The following GLCE variants were observed in gnomAD, a reference collection of about 807,000 sequenced individuals.
The protein encoded by GLCE is glucuronic acid epimerase.
A neutral mutation model predicts 47.9 loss-of-function variants in GLCE; 19 were observed. The ratio of observed to expected loss-of-function variants is 0.40; its 90% CI spans 0.28 to 0.58. The LOEUF (loss-of-function observed/expected upper bound fraction) is 0.58. Among genes scored for constraint, GLCE ranks in the 20% least tolerant of loss-of-function variants. The pLI is 0.48. For missense variants in GLCE, 556 were observed against 743.3 expected (o/e 0.75, Z 2.93); for synonymous variants, 245 against 263.4 (o/e 0.93, Z 0.68).
At chr15:69,182,219 G>T (rs1368437703) in intron 1 of GLCE, among the ~76,000 whole-genome samples, 1 of 151,618 alleles carries the variant, frequency 6.6e-6, no homozygotes. Context: ...CTCATTTGAG[G>T]CTCCTGGCCA....
chr15:69,255,014 G>A (rs1231613700), intron 2 of GLCE, among the ~76,000 whole-genome samples: 1 of 152,154 alleles, frequency 6.6e-6, no homozygotes, highest in Non-Finnish European at 1.5e-5. Flanking sequence ...AACCAAAAGA[G>A]AATGGTGCCC....
chr15:69,173,699 A>G (rs931346867), intron 1 of GLCE, among the ~76,000 whole-genome samples: 2 of 152,076 alleles, frequency 1.3e-5, no homozygotes, highest in African/African-American at 4.8e-5. Context: ...ATTTTTAAAA[A>G]TTTTCTTCAT....
rs2140407902 is a variant in GLCE, at chr15:69,233,601, T to C, written c.-13-22193T>C. On this transcript the variant is annotated intron_variant, in intron 2 of 4. Transcript: ENST00000261858. ...GTCACTTTGCTTCCTAGAGGTGGAG[T>C]TTCAGCACTAAGGAAAAAGAACAGT... 2.0e-5 allele frequency among the ~76,000 whole-genome samples: 3 copies of C among 152,186 alleles called. No individual in the cohort carries two copies. The South Asian group carries it at 6.2e-4, about 32-fold the overall frequency.
chr15:69,257,745 C>G lies in GLCE; in HGVS notation c.586+1353C>G, dbSNP rs78349196. Among the ~76,000 whole-genome samples the G allele has an allele frequency of 6.3e-3, 959 of 151,964 alleles. 10 individuals are homozygous for G. The highest frequency in any genetic ancestry group is 0.022 in the African/African-American group (918 of 41,498). On this transcript the variant is annotated intron_variant, in intron 3 of 4. Transcript: ENST00000261858. ...ATTATTTTTATATATTCTCTGGAGG[C>G]CTTTGTACTTAGACATATGTTTTAG...
chr15:69,238,457 C>T (rs373733315), intron 2 of GLCE, among the ~76,000 whole-genome samples: 8 of 152,088 alleles, frequency 5.3e-5, no homozygotes, highest in African/African-American at 1.7e-4. Flanking sequence ...GGTTTGATTT[C>T]AATAACCGAA....
At chr15:69,257,287 A>C (rs1566971242) in intron 3 of GLCE, among the ~76,000 whole-genome samples, 1 of 152,120 alleles carries the variant, frequency 6.6e-6, no homozygotes, top group African/African-American at 2.4e-5. Flanking sequence ...TACATATCTG[A>C]TGCAGGAGTT....
In GLCE at chr15:69,252,259, T is replaced by TA. The variant is rs200845231; in HGVS notation, c.-13-3526dup. ...TACCTGAGACTGGGTAATTTATTTT[T>TA]AAAAAAAAAGAGGCTTAAAATTGGC... On this transcript the variant is annotated intron_variant, in intron 2 of 4. Coordinates refer to ENST00000261858, the MANE Select transcript of GLCE (RefSeq NM_015554.3). Among the ~76,000 whole-genome samples the TA allele has an allele frequency of 6.1e-3, 924 of 151,696 alleles. 2 individuals are homozygous for TA. The highest frequency in any genetic ancestry group is 9.3e-3 in the Non-Finnish European group (628 of 67,842).
intron 1 of GLCE, among the ~76,000 whole-genome samples, chr15:69,176,508 G>A (rs1250640794): frequency 2.0e-5 from 3 of 151,956 alleles, no homozygotes; most frequent in South Asian, 4.2e-4. Flanking sequence ...ACAGGCATGC[G>A]TCAGCCACCA....
intron 1 of GLCE, among the ~76,000 whole-genome samples, chr15:69,186,061 G>T (rs1409784938): frequency 1.3e-5 from 2 of 152,120 alleles, no homozygotes; most frequent in Non-Finnish European, 2.9e-5. Context: ...GGTGAAGTAT[G>T]GGGGAAGGGG....
At chr15:69,252,737 T>G (rs1361890511) in intron 2 of GLCE, among the ~76,000 whole-genome samples, 4 of 152,120 alleles carry the variant, frequency 2.6e-5, no homozygotes, top group African/African-American at 7.2e-5. Context: ...GACAGATTAC[T>G]CAGCTGTTGA....
chr15:69,162,536 C>T (rs1595728385), intron 1 of GLCE, among the ~76,000 whole-genome samples: 1 of 151,264 alleles, frequency 6.6e-6, no homozygotes, highest in African/African-American at 2.4e-5. Context: ...TTCTTCGTGT[C>T]AGTTTTTTTT....
chr15:69,210,237 A>G (rs891118585), intron 1 of GLCE, 79 bp from the exon 2 acceptor site: 11 of 152,250 alleles, frequency 7.2e-5, no homozygotes, highest in Non-Finnish European at 2.9e-5. Context: ...TTATAGCTAC[A>G]TTAACTTGTT....
At chr15:69,259,980 G>A (rs187885234) in intron 3 of GLCE, among the ~76,000 whole-genome samples, 5 of 152,090 alleles carry the variant, frequency 3.3e-5, no homozygotes, top group East Asian at 3.9e-4. Context: ...CAATACATAC[G>A]TGATTCAACC....
intron 1 of GLCE, among the ~76,000 whole-genome samples, chr15:69,203,939 A>G (rs1276570385): frequency 3.3e-5 from 5 of 152,154 alleles, no homozygotes; most frequent in Non-Finnish European, 7.4e-5. Flanking sequence ...ATTTTTAAAA[A>G]TAATACCTAA....
At chr15:69,177,199 A>G (rs1470936083) in intron 1 of GLCE, among the ~76,000 whole-genome samples, 1 of 151,788 alleles carries the variant, frequency 6.6e-6, no homozygotes, top group Admixed American at 6.6e-5. Context: ...TTTGTATTTT[A>G]GTAGAGACGG....
intron 1 of GLCE, among the ~76,000 whole-genome samples, chr15:69,175,642 C>T (rs2051651839): frequency 6.6e-6 from 1 of 152,082 alleles, no homozygotes; most frequent in Non-Finnish European, 1.5e-5. Context: ...CTTGTCATAC[C>T]CAGTGGGTGT....
At chr15:69,230,928 C>T (rs1358231372) in intron 2 of GLCE, among the ~76,000 whole-genome samples, 1 of 152,158 alleles carries the variant, frequency 6.6e-6, no homozygotes, top group Non-Finnish European at 1.5e-5. Context: ...TTTCTAACTC[C>T]TAGAGGCTGT....
chr15:69,195,139 CTATT>C (rs1298124857), intron 1 of GLCE, among the ~76,000 whole-genome samples: 1 of 151,938 alleles, frequency 6.6e-6, no homozygotes, highest in Non-Finnish European at 1.5e-5. Context: ...ATCTGCCTGC[CTATT>C]TATTCGTGTC....
intron 1 of GLCE, among the ~76,000 whole-genome samples, chr15:69,204,649 C>T (rs974524589): frequency 3.3e-5 from 5 of 152,054 alleles, no homozygotes; most frequent in African/African-American, 1.2e-4. Flanking sequence ...ATATTCCTCT[C>T]CCTGACCAAC....
Sources: gnomAD v4.1 joint callset for allele counts (sites outside exome capture counted in the v4.1 genomes callset) on GRCh38, gnomAD v4.1.1 for gene constraint, MANE v1.5 for transcripts, NCBI Gene and HGNC (gene_info 2026-07-23, HGNC 2026-07-21) for gene names.